The following XKRX variants were observed in gnomAD, a reference collection of about 807,000 sequenced individuals.
The protein encoded by XKRX is XK-related protein 2.
XKRX carries 11 observed loss-of-function variants against 22.4 expected under a neutral mutation model. That is an observed-to-expected ratio of 0.49 (90% confidence interval 0.31 to 0.81). The LOEUF is 0.81. XKRX is among the 40% of genes least tolerant of loss of function. The pLI, the probability that XKRX is intolerant of heterozygous loss-of-function variation, is 0.05. For synonymous variants in XKRX, 114 were observed against 132.2 expected (o/e 0.86, Z 0.94); for missense variants, 320 against 336.5 (o/e 0.95, Z 0.38).
At chrX:100,956,507 T>G in the XKRX span, 1 of 345,715 alleles carries the variant, frequency 2.9e-6, no homozygotes, top group Admixed American at 4.7e-5. Context: ...ATGACAGTCT[T>G]GAAATGACAA....
the XKRX span, among the ~76,000 whole-genome samples, chrX:100,908,336 C>T: frequency 8.7e-4 from 97 of 110,945 alleles, no homozygotes; most frequent in Middle Eastern, 0.014. Context: ...AGGATGGTCT[C>T]GAACTCCTGA....
chrX:100,903,236 C>G, the XKRX span, among the ~76,000 whole-genome samples: 1 of 110,594 alleles, frequency 9.0e-6, no homozygotes. Flanking sequence ...CTAGATAATG[C>G]AATAAAGCAA....
At position 100,914,732 on chromosome X, in the gene XKRX, T is replaced by C. The variant is rs771703452; in HGVS notation, c.956A>G (p.Tyr319Cys). ...CCAGCAAGAGAAGTTGATGCCAGCA[T>C]AGAGGATGGTGACTGAAATCAGGAC... ...LVVLISVTIL[Y>C]AGINFSCWSA... Residue 319 changes from tyrosine (Y) to cysteine (C), a missense_variant, in exon 3 of 3, where the codon TAT (tyrosine) becomes TGT (cysteine). Tyr to Cys is a radical substitution (Grantham distance 194, BLOSUM62 -2). Transcript: ENST00000372956. The C allele has an allele frequency of 7.4e-6, 9 of 1,209,662 alleles. No individual in the cohort carries two copies. Among genetic ancestry groups the C allele is most frequent in the African/African-American group, 1.8e-5 (1 of 57,013 alleles).
At chrX:100,941,053 C>G in the XKRX span, among the ~76,000 whole-genome samples, 1 of 111,517 alleles carries the variant, frequency 9.0e-6, no homozygotes, top group African/African-American at 3.3e-5. Context: ...AATTCTCCGG[C>G]CCAGTGGATA....
At chrX:100,919,057 T>A (rs957195844) in intron 2 of XKRX, among the ~76,000 whole-genome samples, 1 of 111,869 alleles carries the variant, frequency 8.9e-6, no homozygotes, top group African/African-American at 3.2e-5. Flanking sequence ...TGTTAAAATA[T>A]TTAATAAAAT....
At position 100,914,504 on chromosome X, in the gene XKRX, A is replaced by G. The variant is rs1373434934; in HGVS notation, c.1184T>C (p.Ile395Thr). The change falls in exon 3 of 3, where the codon ATT (isoleucine) becomes ACT (threonine). Residue 395 changes from isoleucine to threonine, a missense_variant. Coordinates refer to ENST00000372956, the MANE Select transcript of XKRX (RefSeq NM_212559.3). Reference sequence around the variant, plus strand: ...CTGGAAGAAAAGGAGCATGAAGCCAATGGAAATCAGATAAGCAATAATGAG... The same window carrying G: ...CTGGAAGAAAAGGAGCATGAAGCCAGTGGAAATCAGATAAGCAATAATGAG... ...LQLIIAYLIS[I>T]GFMLLFFQYL... 8.3e-7 allele frequency: 1 copy of G among 1,212,039 alleles called. No individual in the cohort carries two copies.
chrX:100,897,220 G>T, the XKRX span, among the ~76,000 whole-genome samples: 1 of 110,872 alleles, frequency 9.0e-6, no homozygotes, highest in Non-Finnish European at 1.9e-5. Context: ...AAAGAAATTG[G>T]GTAAAACCCT....
At chrX:100,942,095 G>C in the XKRX span, among the ~76,000 whole-genome samples, 83 of 111,124 alleles carry the variant, frequency 7.5e-4, no homozygotes, top group African/African-American at 2.6e-3. Context: ...TGATCTACCC[G>C]CCTCGGCCTC....
At chrX:100,943,168 C>T in the XKRX span, among the ~76,000 whole-genome samples, 5 of 111,584 alleles carry the variant, frequency 4.5e-5, no homozygotes, top group Non-Finnish European at 9.4e-5. Context: ...CTTTTACTCT[C>T]TATATGCATG....
In XKRX at chrX:100,914,634, G is replaced by A. The variant is rs78358883; in HGVS notation, c.1054C>T (p.His352Tyr). Reference protein sequence around the residue: ...KGQNWGHMGLHYSVRLVENVI... With the variant: ...KGQNWGHMGLYYSVRLVENVI... ...TTCTCTACCAACCTCACACTATAGT[G>A]CAGGCCCATATGTCCCCAGTTCTGC... Residue 352 changes from histidine (H) to tyrosine (Y), a missense_variant, in exon 3 of 3, where the codon CAC (histidine) becomes TAC (tyrosine). His to Tyr is a moderately conservative substitution (Grantham distance 83). Transcript: ENST00000372956. 8.3e-7 allele frequency: 1 copy of A among 1,210,110 alleles called. No homozygotes were observed. Among genetic ancestry groups the A allele is most frequent in the African/African-American group, 1.7e-5 (1 of 57,242 alleles).
the XKRX span, chrX:100,957,332 T>A: frequency 1.8e-6 from 2 of 1,126,330 alleles, no homozygotes; most frequent in Non-Finnish European, 1.2e-6. Context: ...TCATTGTGAT[T>A]TGGACTCCGG....
chrX:100,955,512 A>G, the XKRX span, among the ~76,000 whole-genome samples: 1 of 108,195 alleles, frequency 9.2e-6, no homozygotes, highest in Non-Finnish European at 1.9e-5. Context: ...ATCTCTACTA[A>G]AAATAAAAAA....
the XKRX span, among the ~76,000 whole-genome samples, chrX:100,953,492 A>G: frequency 8.9e-6 from 1 of 112,332 alleles, no homozygotes; most frequent in African/African-American, 3.2e-5. Context: ...GGACTTTATC[A>G]AAATTAAAAA....
the XKRX span, among the ~76,000 whole-genome samples, chrX:100,903,841 CTAAA>C: frequency 8.9e-6 from 1 of 111,955 alleles, no homozygotes; most frequent in African/African-American, 3.2e-5. Context: ...CAAATAATAA[CTAAA>C]TAAATGAAGA....
At chrX:100,933,704 A>T (rs1435696403), upstream of XKRX, among the ~76,000 whole-genome samples, 1 of 110,617 alleles carries the variant, frequency 9.0e-6, no homozygotes, top group African/African-American at 3.3e-5. Flanking sequence ...ATCTGGTTAG[A>T]AATGACATCT....
chrX:100,888,332 C>T, the XKRX span: 30 of 700,822 alleles, frequency 4.3e-5, no homozygotes, highest in East Asian at 8.6e-4. Flanking sequence ...GACAGTTCTC[C>T]TTGGTTCCAC....
At chrX:100,955,298 C>T in the XKRX span, among the ~76,000 whole-genome samples, 1 of 112,035 alleles carries the variant, frequency 8.9e-6, no homozygotes, top group South Asian at 3.7e-4. Context: ...CAAGTGATTA[C>T]CATTAGCTAA....
the XKRX span, among the ~76,000 whole-genome samples, chrX:100,935,355 T>C: frequency 9.0e-6 from 1 of 110,764 alleles, no homozygotes; most frequent in Non-Finnish European, 1.9e-5. Flanking sequence ...TCCCTTGGAC[T>C]GGGAGCCAGC....
chrX:100,928,450 G>C lies in XKRX; in HGVS notation c.-146C>G, dbSNP rs1296657810. The stretch of plus-strand genomic sequence containing the variant: ...TTTGGGAACAGAGATTCACTAGTTA[G>C]AGCAAGAAACCGCTCTCTTCTAGAC... On this transcript the variant is annotated 5_prime_UTR_variant, in exon 1 of 3. Transcript: ENST00000372956. The C allele has an allele frequency of 8.8e-7, 1 of 1,130,731 alleles. No homozygotes were observed. Among genetic ancestry groups the C allele is most frequent in the Non-Finnish European group, 1.2e-6 (1 of 860,557 alleles). The allele number at this position is 1,130,731 out of a possible 1,213,427, so 93.2% of individuals were successfully genotyped here.
Sources: gnomAD v4.1 joint callset for allele counts (sites outside exome capture counted in the v4.1 genomes callset) on GRCh38, gnomAD v4.1.1 for gene constraint, MANE v1.5 for transcripts, NCBI Gene and HGNC (gene_info 2026-07-23, HGNC 2026-07-21) for gene names.